COCH: variants seen among roughly 807,000 people sequenced by gnomAD.
The protein encoded by COCH is cochlin, also known as coagulation factor C homolog, cochlin (Limulus polyphemus).
Under a neutral mutation model 54.8 loss-of-function variants are expected in COCH, and 40 were observed. The ratio of observed to expected loss-of-function variants is 0.73; its 90% CI spans 0.57 to 0.95. The LOEUF (loss-of-function observed/expected upper bound fraction) is 0.95, where lower values mean the gene tolerates loss of function less well. Ranked by LOEUF, COCH falls within the 40% of genes least tolerant of loss-of-function variation. The pLI is 0.00. For missense variants in COCH, 605 were observed against 675.0 expected (o/e 0.90, Z 1.15); for synonymous variants, 256 against 237.9 (o/e 1.08, Z -0.70).
At chr14:30,875,232 C>A in intron 3 of COCH, 129 bp downstream of exon 3, 1 of 1,315,532 alleles carries the variant, frequency 7.6e-7, no homozygotes, top group Non-Finnish European at 1.0e-6. Flanking sequence ...GAAGGTTGAG[C>A]CGCCGCGTGG....
At chr14:30,875,685 T>C (rs28400026) in intron 3 of COCH, 16,616 of 190,522 alleles carry the variant, frequency 0.087, 918 homozygotes, top group Middle Eastern at 0.13. Context: ...GGTATGGGTG[T>C]GTGGTTTGGT....
At position 30,874,562 on chromosome 14, in the gene COCH, CT is replaced by C; in HGVS notation, c.-52del. On this transcript the variant is annotated 5_prime_UTR_variant, in exon 1 of 12. Transcript: ENST00000396618. ...GGCCGCGGGGGCCTTGCCTTCCGCACTCGGGCGCAGCCGGGTGGATCTCGAG... is the reference window on the plus strand; with the variant it reads ...GGCCGCGGGGGCCTTGCCTTCCGCACCGGGCGCAGCCGGGTGGATCTCGAG... 2.4e-6 allele frequency: 1 copy of C among 413,526 alleles called. No homozygotes were observed. The highest frequency in any genetic ancestry group is 4.4e-6 in the Non-Finnish European group (1 of 224,836). 25.6% of individuals were successfully genotyped at this position (413,526 alleles called of 1,614,324 possible). A position where few individuals can be genotyped will look rare whatever the true frequency, so the allele number is the denominator to read the frequency against.
Position 30,877,567 on chromosome 14 carries a change from T to G in COCH, c.83-5T>G. The G allele has an allele frequency of 1.2e-6, 2 of 1,614,102 alleles. No individual in the cohort carries two copies. Among genetic ancestry groups the G allele is most frequent in the Non-Finnish European group, 1.7e-6 (2 of 1,180,036 alleles). On this transcript the variant is annotated splice_polypyrimidine_tract_variant and splice_region_variant and intron_variant, in intron 3 of 11. Coordinates refer to ENST00000396618, the MANE Select transcript of COCH (RefSeq NM_004086.3). This position sits in a 1 kb window ranked among gnomAD's most constrained non-coding sequence, Gnocchi z 8.6. The stretch of plus-strand genomic sequence containing the variant: ...TGCTTACAATATTATCTCCTTTTTC[T>G]TCAGCTCCCATTGCTATCACATGTT...
chr14:30,879,596 A>C, intron 6 of COCH, 111 bp downstream of exon 6: 3 of 1,070,998 alleles, frequency 2.8e-6, no homozygotes, highest in Non-Finnish European at 4.3e-6. Context: ...TTAAAGAGAA[A>C]CAAAGCAAAT....
chr14:30,889,710 AAG>A lies in COCH; in HGVS notation c.1577_1578del (p.Glu526ValfsTer10), dbSNP rs746449866. ...CGAAGGAGTCTCATGCTTTCTTCAC[AAG>A]AGAGTTCACAGGATTAGAACCAATT... ...KPKESHAFFT[R>X]EFTGLEPIVS... On this transcript the variant is annotated frameshift_variant, in exon 12 of 12. Coordinates refer to ENST00000396618, the MANE Select transcript of COCH (RefSeq NM_004086.3). LOFTEE classifies it high-confidence loss of function. 2 of 1,614,106 alleles carry A rather than the reference AAG, an allele frequency of 1.2e-6. No individual in the cohort carries two copies. Among genetic ancestry groups the A allele is most frequent in the East Asian group, 4.5e-5 (2 of 44,872 alleles).
At chr14:30,884,068 T>G (rs1056339698) in intron 8 of COCH, among the ~76,000 whole-genome samples, 1 of 152,212 alleles carries the variant, frequency 6.6e-6, no homozygotes, top group Non-Finnish European at 1.5e-5. Flanking sequence ...CTTCCTCATT[T>G]AGTTTAGCTA....
At chr14:30,891,777 T>C (rs1046074751), downstream of COCH, among the ~76,000 whole-genome samples, 1 of 152,130 alleles carries the variant, frequency 6.6e-6, no homozygotes, top group Non-Finnish European at 1.5e-5. Flanking sequence ...AAGTTTTGAG[T>C]CACCTGAAGT....
chr14:30,881,048 C>T (rs148417322), intron 8 of COCH, among the ~76,000 whole-genome samples: 2 of 151,968 alleles, frequency 1.3e-5, no homozygotes, highest in African/African-American at 2.4e-5. Flanking sequence ...AACACCGTCT[C>T]TACTAAAAAT....
chr14:30,879,501 C>T lies in COCH; in HGVS notation c.436+16C>T, dbSNP rs1373566862. On this transcript the variant is annotated intron_variant, in intron 6 of 11. Transcript: ENST00000396618. ...CCACCAACAGGTATGAACTATGAAA[C>T]CTATCTCCTAGTTGCCCGGCACAGC... is the stretch of plus-strand genomic sequence containing the variant. 3 of 1,613,034 alleles carry T rather than the reference C, an allele frequency of 1.9e-6. No individual in the cohort carries two copies. Among genetic ancestry groups the T allele is most frequent in the South Asian group, 1.1e-5 (1 of 91,060 alleles).
chr14:30,892,887 G>A (rs758309043), downstream of COCH, among the ~76,000 whole-genome samples: 12 of 151,780 alleles, frequency 7.9e-5, no homozygotes, highest in Non-Finnish European at 1.5e-4. Context: ...GATTTTTATG[G>A]TAGATGACAA....
rs1895401667 is a variant in COCH at position 30,877,434 on chromosome 14, A to G, written c.83-138A>G. The G allele has an allele frequency of 9.3e-7, 1 of 1,072,660 alleles. No individual in the cohort carries two copies. The highest frequency in any genetic ancestry group is 1.5e-5 in the South Asian group (1 of 68,258). The allele number at this position is 1,072,660 out of a possible 1,614,324, so 66.4% of individuals were successfully genotyped here. Reference sequence around the variant, plus strand: ...TTGCCAAAATCTGGAATGGTATGGAAGGGTATATAAGTCAATAGTCATAAC... The same window carrying G: ...TTGCCAAAATCTGGAATGGTATGGAGGGGTATATAAGTCAATAGTCATAAC... On this transcript the variant is annotated intron_variant, in intron 3 of 11. Coordinates refer to ENST00000396618, the MANE Select transcript of COCH (RefSeq NM_004086.3). The surrounding 1 kb of genome is among the most constrained non-coding windows in gnomAD (Gnocchi z 8.6).
downstream of COCH, chr14:30,894,893 C>CT (rs34255465): frequency 0.46 from 339,536 of 736,844 alleles, 32,662 homozygotes; most frequent in African/African-American, 0.52. Flanking sequence ...TTTTCTTTTT[C>CT]TTTTTTTTTT....
At chr14:30,887,414 A>AAAAAAAAAAAAAAAAAAAAC (rs1566414527) in intron 11 of COCH, among the ~76,000 whole-genome samples, 1 of 148,436 alleles carries the variant, frequency 6.7e-6, no homozygotes, top group Non-Finnish European at 1.5e-5. Context: ...AAAAAAAAAA[A>AAAAAAAAAAAAAAAAAAAAC]AAAAAACTTT....
At chr14:30,881,769 T>C (rs1895595121) in intron 8 of COCH, among the ~76,000 whole-genome samples, 1 of 151,074 alleles carries the variant, frequency 6.6e-6, no homozygotes, top group Non-Finnish European at 1.5e-5. Context: ...CCATCCTGGC[T>C]AACACGGGGA....
chr14:30,877,770 GATTATTTCCTTTCCTGCTTT>G lies in COCH; in HGVS notation c.239+44_239+63del. On this transcript the variant is annotated intron_variant, in intron 4 of 11. Transcript: ENST00000396618. The surrounding 1 kb of genome is among the most constrained non-coding windows in gnomAD (Gnocchi z 8.6). Reference sequence around the variant, plus strand: ...CAGGGTGGGAGAGAAATGCAGACGTGATTATTTCCTTTCCTGCTTTACCCATCTGGATCCCTTTCCTCCCT... The same window carrying G: ...CAGGGTGGGAGAGAAATGCAGACGTGACCCATCTGGATCCCTTTCCTCCCT... 3 of 1,613,078 alleles carry G rather than the reference GATTATTTCCTTTCCTGCTTT, an allele frequency of 1.9e-6. No individual in the cohort carries two copies. Among genetic ancestry groups the G allele is most frequent in the Non-Finnish European group, 2.5e-6 (3 of 1,179,908 alleles).
At chr14:30,883,635 T>C (rs1895686750) in intron 8 of COCH, among the ~76,000 whole-genome samples, 1 of 152,186 alleles carries the variant, frequency 6.6e-6, no homozygotes, top group Non-Finnish European at 1.5e-5. Flanking sequence ...CAAAAAATCT[T>C]GAATAAAATG....
Position 30,890,310 on chromosome 14 carries a change from T to C in COCH, c.*519T>C, listed in dbSNP as rs1895939240. 1.0e-6 allele frequency: 1 copy of C among 985,696 alleles called. No individual in the cohort carries two copies. Among genetic ancestry groups the C allele is most frequent in the African/African-American group, 1.7e-5 (1 of 57,260 alleles). 61.1% of individuals were successfully genotyped at this position (985,696 alleles called of 1,614,324 possible). On this transcript the variant is annotated 3_prime_UTR_variant, in exon 12 of 12. Transcript: ENST00000396618. The stretch of plus-strand genomic sequence containing the variant: ...AGCTATTACTGCAGACTATAAAATC[T>C]GGATATAGAAAGGAGACCTGTATCA...
At position 30,885,567 on chromosome 14, in the gene COCH, A is replaced by C; in HGVS notation, c.907A>C (p.Lys303Gln). 1.9e-6 allele frequency: 3 copies of C among 1,613,292 alleles called. No homozygotes were observed. Among genetic ancestry groups the C allele is most frequent in the Non-Finnish European group, 1.7e-6 (2 of 1,179,186 alleles). ...GVNVFIVSVA[K>Q]PIPEELGMVQ... ...CAATGTATTTATAGTTTCTGTGGCC[A>C]AGCCTATCCCTGAAGAACTGGGGAT... The change falls in exon 10 of 12, where the codon AAG (lysine) becomes CAG (glutamine). Residue 303 changes from lysine to glutamine, a missense_variant. By Grantham distance (53) the Lys-to-Gln change is moderately conservative. Coordinates refer to ENST00000396618, the MANE Select transcript of COCH (RefSeq NM_004086.3).
intron 11 of COCH, chr14:30,889,412 CAG>C (rs758882486): frequency 8.8e-6 from 5 of 567,230 alleles, no homozygotes; most frequent in Admixed American, 3.0e-5. Flanking sequence ...ACAGATATAG[CAG>C]AGTTTCTGGT....
Sources: gnomAD v4.1 joint callset for allele counts (sites outside exome capture counted in the v4.1 genomes callset) on GRCh38, gnomAD v4.1.1 for gene constraint, Gnocchi (gnomAD v3.1) non-coding constraint, MANE v1.5 for transcripts, NCBI Gene and HGNC (gene_info 2026-07-23, HGNC 2026-07-21) for gene names.